Variants in RB1 observed in about 807,000 individuals in gnomAD.
RB1 encodes retinoblastoma-associated protein.
Under a neutral mutation model 135.4 loss-of-function variants are expected in RB1, and 18 were observed. The ratio of observed to expected loss-of-function variants is 0.13; its 90% CI spans 0.09 to 0.20. The LOEUF is 0.20. Ranked by LOEUF, RB1 falls within the 10% of genes least tolerant of loss-of-function variation. The probability of loss-of-function intolerance (pLI) is 1.00; values close to 1 mark genes in which losing one functional copy is unlikely to be tolerated. For synonymous variants in RB1, 365 were observed against 373.2 expected, an observed-to-expected ratio of 0.98 and a Z score of 0.25; for missense variants, 868 against 1,110.0, an observed-to-expected ratio of 0.78 and a Z score of 3.10.
In RB1 at chr13:48,480,868, T is replaced by A. The variant is rs143145266; in HGVS notation, c.*797T>A. Reference sequence around the variant, plus strand: ...TTTATACCATTCAGATCACTGAATTTATAAAGTACCCATCTAGTACTTGAA... The same window carrying A: ...TTTATACCATTCAGATCACTGAATTAATAAAGTACCCATCTAGTACTTGAA... On this transcript the variant is annotated 3_prime_UTR_variant, in exon 27 of 27. Coordinates refer to ENST00000267163, the MANE Select transcript of RB1 (RefSeq NM_000321.3). The A allele has an allele frequency of 9.2e-5, 21 of 228,028 alleles. No individual in the cohort carries two copies. The highest frequency in any genetic ancestry group is 4.4e-4 in the African/African-American group (20 of 45,224). The allele number at this position is 228,028 out of a possible 1,614,324, so 14.1% of individuals were successfully genotyped here.
At chr13:48,433,682 A>ATTTT (rs10665957) in intron 17 of RB1, among the ~76,000 whole-genome samples, 1 of 147,144 alleles carries the variant, frequency 6.8e-6, no homozygotes, top group African/African-American at 2.5e-5. Context: ...ACAAAAATGC[A>ATTTT]TTTTTTTTTT....
At position 48,319,854 on chromosome 13, in the gene RB1, G is replaced by C. The variant is rs912341404; in HGVS notation, c.264+12448G>C. 6.1e-6 allele frequency: 2 copies of C among 329,548 alleles called. No homozygotes were observed. The highest frequency in any genetic ancestry group is 1.2e-5 in the Non-Finnish European group (2 of 167,600). The allele number at this position is 329,548 out of a possible 1,614,324, so 20.4% of individuals were successfully genotyped here. A position where few individuals can be genotyped will look rare whatever the true frequency, so the allele number is the denominator to read the frequency against. The stretch of plus-strand genomic sequence containing the variant: ...AGTCGTTGCTGCTCGCTCTGACCGG[G>C]AAGGCAGAACCCTAGTCCTCACTGG... On this transcript the variant is annotated intron_variant, in intron 2 of 26. Coordinates refer to ENST00000267163, the MANE Select transcript of RB1 (RefSeq NM_000321.3). This position sits in a 1 kb window ranked among gnomAD's most constrained non-coding sequence, Gnocchi z 5.0.
chr13:48,329,972 T>A (rs1952318879), intron 2 of RB1, among the ~76,000 whole-genome samples: 1 of 152,046 alleles, frequency 6.6e-6, no homozygotes, highest in Non-Finnish European at 1.5e-5. Flanking sequence ...TGAGATAATA[T>A]CAAGCATCTT....
In RB1 at chr13:48,377,058, G is replaced by A. The variant is rs751490179; in HGVS notation, c.1332+24G>A. 179 of 1,595,240 alleles carry A rather than the reference G, an allele frequency of 1.1e-4. 4 individuals carry two copies. The South Asian group carries it at 1.3e-3, about 12-fold the overall frequency. On this transcript the variant is annotated intron_variant, in intron 13 of 26. Transcript: ENST00000267163. ...AGGTAACTTGAATTCATTGTAATTCGTGGTACTATAGAGTAATAATATTAA... is the reference window on the plus strand; with the variant it reads ...AGGTAACTTGAATTCATTGTAATTCATGGTACTATAGAGTAATAATATTAA...
At chr13:48,337,818 C>T (rs1952398700) in intron 2 of RB1, among the ~76,000 whole-genome samples, 2 of 152,120 alleles carry the variant, frequency 1.3e-5, no homozygotes, top group African/African-American at 4.8e-5. Context: ...TGGCTGGTAC[C>T]AGCTGTTCCT....
chr13:48,411,670 A>G (rs1259073636), intron 17 of RB1: 2 of 1,611,054 alleles, frequency 1.2e-6, no homozygotes, highest in African/African-American at 1.3e-5. Flanking sequence ...ACAAGAGAAT[A>G]TAAAATAAGA....
chr13:48,365,107 T>C (rs1952682206), intron 9 of RB1, 136 bp downstream of exon 9: 7 of 1,129,578 alleles, frequency 6.2e-6, no homozygotes, highest in Non-Finnish European at 8.4e-6. Flanking sequence ...CAAGTAGAAT[T>C]GTGGTGAAAC....
intron 17 of RB1, among the ~76,000 whole-genome samples, chr13:48,434,938 G>A (rs928465300): frequency 1.3e-5 from 2 of 152,182 alleles, no homozygotes; most frequent in Admixed American, 1.3e-4. Context: ...TAGCATGAAT[G>A]TACTACAGTT....
At chr13:48,330,539 A>G (rs1442989062) in intron 2 of RB1, among the ~76,000 whole-genome samples, 1 of 152,170 alleles carries the variant, frequency 6.6e-6, no homozygotes, top group Non-Finnish European at 1.5e-5. Flanking sequence ...CAAATTATAT[A>G]CTAACAAATT....
intron 6 of RB1, among the ~76,000 whole-genome samples, chr13:48,356,493 A>G (rs1018659416): frequency 1.3e-5 from 2 of 151,966 alleles, no homozygotes; most frequent in Non-Finnish European, 2.9e-5. Flanking sequence ...AGAGGTTACA[A>G]TCTTTATTTA....
intron 17 of RB1, among the ~76,000 whole-genome samples, chr13:48,436,325 G>A (rs1433702032): frequency 1.3e-5 from 2 of 152,116 alleles, no homozygotes; most frequent in African/African-American, 4.8e-5. Flanking sequence ...CAGAAATGTA[G>A]ACTTAGGAAT....
At chr13:48,351,447 G>A (rs968178457) in intron 6 of RB1, among the ~76,000 whole-genome samples, 5 of 151,344 alleles carry the variant, frequency 3.3e-5, no homozygotes, top group African/African-American at 1.2e-4. Context: ...TTTTTCTCTT[G>A]CAAATTTGTC....
At position 48,481,181 on chromosome 13, in the gene RB1, T is replaced by G. The variant is rs2138366151; in HGVS notation, c.*1110T>G. On this transcript the variant is annotated 3_prime_UTR_variant, in exon 27 of 27. Coordinates refer to ENST00000267163, the MANE Select transcript of RB1 (RefSeq NM_000321.3). ...TGGCAATTGTCTATTTATCTTTTAT[T>G]TTTTTAAGTCAGTATGGTCTAACAC... is the stretch of plus-strand genomic sequence containing the variant. 1 of 231,450 alleles carries G rather than the reference T, an allele frequency of 4.3e-6. No individual in the cohort carries two copies. The highest frequency in any genetic ancestry group is 1.8e-4 in the South Asian group (1 of 5,502). 14.3% of individuals were successfully genotyped at this position (231,450 alleles called of 1,614,324 possible).
At chr13:48,461,482 C>T (rs1176757216) in intron 20 of RB1, among the ~76,000 whole-genome samples, 3 of 152,018 alleles carry the variant, frequency 2.0e-5, no homozygotes, top group Non-Finnish European at 4.4e-5. Flanking sequence ...CATTCATGAA[C>T]ATGTTTCATT....
intron 5 of RB1, among the ~76,000 whole-genome samples, chr13:48,348,186 A>G (rs1417696112): frequency 6.6e-6 from 1 of 151,950 alleles, no homozygotes; most frequent in Non-Finnish European, 1.5e-5. Context: ...TTTATTAACT[A>G]ATAATCAGCA....
At chr13:48,420,138 A>G (rs1174278949) in intron 17 of RB1, among the ~76,000 whole-genome samples, 1 of 152,240 alleles carries the variant, frequency 6.6e-6, no homozygotes, top group African/African-American at 2.4e-5. Context: ...AAAACCCTCA[A>G]TAAAATACTG....
chr13:48,395,400 G>A (rs1948640122), intron 17 of RB1, among the ~76,000 whole-genome samples: 1 of 152,062 alleles, frequency 6.6e-6, no homozygotes, highest in East Asian at 1.9e-4. Context: ...ACAGAAGTAG[G>A]CTTCAGAAGG....
At chr13:48,458,510 G>A (rs911764989) in intron 19 of RB1, among the ~76,000 whole-genome samples, 1 of 152,060 alleles carries the variant, frequency 6.6e-6, no homozygotes, top group Non-Finnish European at 1.5e-5. Flanking sequence ...TCAAAGTGTC[G>A]TTCCCAACCA....
chr13:48,397,376 C>T (rs1948656830), intron 17 of RB1, among the ~76,000 whole-genome samples: 2 of 152,098 alleles, frequency 1.3e-5, no homozygotes, highest in African/African-American at 2.4e-5. Flanking sequence ...CCATCATTCT[C>T]AGCAAACTAA....
Sources: gnomAD v4.1 joint callset for allele counts (sites outside exome capture counted in the v4.1 genomes callset) on GRCh38, gnomAD v4.1.1 for gene constraint, Gnocchi (gnomAD v3.1) non-coding constraint, MANE v1.5 for transcripts, NCBI Gene and HGNC (gene_info 2026-07-23, HGNC 2026-07-21) for gene names.